The following CARD14 variants were observed in gnomAD, a reference collection of about 807,000 sequenced individuals.
The protein encoded by CARD14 is caspase recruitment domain-containing protein 14.
CARD14 carries 107 observed loss-of-function variants against 111.5 expected under a neutral mutation model. The observed-to-expected ratio is 0.96, with a 90% confidence interval of 0.82 to 1.13. The LOEUF (loss-of-function observed/expected upper bound fraction) is 1.13. CARD14 is among the 50% of genes most tolerant of loss of function. The probability of loss-of-function intolerance (pLI) is 0.00; values close to 1 mark genes in which losing one functional copy is unlikely to be tolerated. For missense variants in CARD14, 1,322 were observed against 1,362.3 expected, an observed-to-expected ratio of 0.97 and a Z score of 0.47; for synonymous variants, 617 against 579.6, an observed-to-expected ratio of 1.06 and a Z score of -0.93.
At chr17:80,177,214 C>G (rs1351360402) in intron 2 of CARD14, among the ~76,000 whole-genome samples, 1 of 152,026 alleles carries the variant, frequency 6.6e-6, no homozygotes, top group East Asian at 1.9e-4. Context: ...GGGCCCTTCT[C>G]CTCCTCTTCT....
Position 80,183,793 on chromosome 17 carries a change from CGCCCACATGCTCACCT to C in CARD14, c.350-97_350-82del, listed in dbSNP as rs1157190387. ...ATGCTCACCCGCCCACATGCTCACC[CGCCCACATGCTCACCT>C]GCCCACATGCTCACCTGCCCACCTG... On this transcript the variant is annotated intron_variant, in intron 6 of 23. Transcript: ENST00000648509. The C allele has an allele frequency of 6.0e-4, 295 of 489,498 alleles. 1 individual carries two copies. The highest frequency in any genetic ancestry group is 5.6e-3 in the African/African-American group (239 of 42,920). 30.3% of individuals were successfully genotyped at this position (489,498 alleles called of 1,614,324 possible).
chr17:80,173,320 ACACACGCGCG>A (rs779130360), intron 2 of CARD14, 92 bp downstream of exon 2: 15 of 134,294 alleles, frequency 1.1e-4, no homozygotes, highest in East Asian at 2.5e-4. Context: ...ACACACACAC[ACACACGCGCG>A]CGCGCGCGCG....
At chr17:80,181,733 C>A in intron 5 of CARD14, 84 bp downstream of exon 5, 1 of 1,251,468 alleles carries the variant, frequency 8.0e-7, no homozygotes, top group Non-Finnish European at 1.1e-6. Flanking sequence ...TTCAGGGGGT[C>A]TCTTCTCGTC....
chr17:80,183,698 G>T (rs568273423), intron 6 of CARD14, among the ~76,000 whole-genome samples: 200 of 152,208 alleles, frequency 1.3e-3, no homozygotes, highest in Non-Finnish European at 2.4e-3. Flanking sequence ...TCATGCCTCG[G>T]CCCACCGGCC....
At chr17:80,200,772 GT>G in intron 16 of CARD14, 1 of 158,698 alleles carries the variant, frequency 6.3e-6, no homozygotes, top group Non-Finnish European at 1.4e-5. Flanking sequence ...CCCTGAGCTT[GT>G]TTTCCTGCAA....
intron 7 of CARD14, among the ~76,000 whole-genome samples, chr17:80,186,572 CAG>C (rs1315940986): frequency 6.6e-6 from 1 of 152,030 alleles, no homozygotes; most frequent in African/African-American, 2.4e-5. Flanking sequence ...TTTTTTGAGA[CAG>C]AGTCTCACTC....
intron 17 of CARD14, 76 bp from the exon 18 acceptor site, chr17:80,202,104 A>T (rs998265723): frequency 7.3e-7 from 1 of 1,369,246 alleles, no homozygotes; most frequent in Non-Finnish European, 1.0e-6. Context: ...CTTCTCTCCT[A>T]CTTTAATTTT....
At position 80,189,453 on chromosome 17, in the gene CARD14, C is replaced by T. The variant is rs1190001624; in HGVS notation, c.844-300C>T. On this transcript the variant is annotated intron_variant, in intron 8 of 23. Transcript: ENST00000648509. This position sits in a 1 kb window ranked among gnomAD's most constrained non-coding sequence, Gnocchi z 4.7. ...GAATGACCTGTCTGCTGGTTTCTCC[C>T]TCGCTGTGAAACTGCCGGTAGATCT... Among the ~76,000 whole-genome samples, 1 of 152,214 alleles carries T rather than the reference C, an allele frequency of 6.6e-6. No individual in the cohort carries two copies. Among genetic ancestry groups the T allele is most frequent in the Admixed American group, 6.5e-5 (1 of 15,284 alleles).
rs1487676786 is a variant in CARD14 at position 80,203,892 on chromosome 17, C to G, written c.2283+7C>G. 3 of 1,591,666 alleles carry G rather than the reference C, an allele frequency of 1.9e-6. No individual in the cohort carries two copies. The South Asian group carries it at 3.4e-5, about 18-fold the overall frequency. ...GTGCACCGTGACCCGCAAGGTGAGG[C>G]TCCAGGGAGGGGCCTGGACCCCACT... On this transcript the variant is annotated splice_region_variant and intron_variant, in intron 19 of 23. Coordinates refer to ENST00000648509, the MANE Select transcript of CARD14 (RefSeq NM_001366385.1). This position sits in a 1 kb window ranked among gnomAD's most constrained non-coding sequence, Gnocchi z 4.6.
chr17:80,207,099 G>T lies in CARD14; in HGVS notation c.2807+14G>T. On this transcript the variant is annotated intron_variant, in intron 23 of 23. Coordinates refer to ENST00000648509, the MANE Select transcript of CARD14 (RefSeq NM_001366385.1). ...AAAGAAGCTCAAGTAGGTGCACGCT[G>T]GGGGCTGGGCAGGGGCTTCGAAGCG... 1 of 1,596,474 alleles carries T rather than the reference G, an allele frequency of 6.3e-7. No homozygotes were observed. The highest frequency in any genetic ancestry group is 8.6e-7 in the Non-Finnish European group (1 of 1,164,718).
Position 80,189,821 on chromosome 17 carries a change from C to T in CARD14, c.912C>T (p.Arg304=), listed in dbSNP as rs1269605234. 1 of 1,585,926 alleles carries T rather than the reference C, an allele frequency of 6.3e-7. No homozygotes were observed. The highest frequency in any genetic ancestry group is 8.5e-7 in the Non-Finnish European group (1 of 1,170,742). The change falls in exon 9 of 24, where the codon CGC becomes CGT. Residue 304 remains arginine (R), a synonymous_variant. Transcript: ENST00000648509. This position sits in a 1 kb window ranked among gnomAD's most constrained non-coding sequence, Gnocchi z 4.7. ...GGAGCCGACAGGAGCTGGTGGAGCG[C>T]ATCCACTCGCTGCGGGAGCGGGCCG... The part of the protein sequence containing the change: ...ARGSRQELVE[R]IHSLRERAVA...
rs763209266 is a variant in CARD14, at chr17:80,198,187, G to A, written c.1658+25G>A. 5.6e-6 allele frequency: 9 copies of A among 1,612,758 alleles called. No homozygotes were observed. The highest frequency in any genetic ancestry group is 2.2e-5 in the East Asian group (1 of 44,880). On this transcript the variant is annotated intron_variant, in intron 15 of 23. Coordinates refer to ENST00000648509, the MANE Select transcript of CARD14 (RefSeq NM_001366385.1). The surrounding 1 kb of genome is among the most constrained non-coding windows in gnomAD (Gnocchi z 7.5). The stretch of plus-strand genomic sequence containing the variant: ...GGTAAGCAGCAGGTGGGAATCCTCC[G>A]AGGCTGGCTGGGGAACCAGGGCCAG...
chr17:80,201,948 C>T lies in CARD14; in HGVS notation c.1978+78C>T, dbSNP rs999998697. 5.5e-5 allele frequency: 82 copies of T among 1,498,996 alleles called. No individual in the cohort carries two copies. Among genetic ancestry groups the T allele is most frequent in the Non-Finnish European group, 7.1e-5 (79 of 1,112,928 alleles). The allele number at this position is 1,498,996 out of a possible 1,614,324, so 92.9% of individuals were successfully genotyped here. On this transcript the variant is annotated intron_variant, in intron 17 of 23. Transcript: ENST00000648509. The surrounding 1 kb of genome is among the most constrained non-coding windows in gnomAD (Gnocchi z 5.0). ...CCTTAAGTCCCTGGTGGTTCTTCTG[C>T]ACGCCCAGCAGCCAGGGACCCCCAG... is the stretch of plus-strand genomic sequence containing the variant.
At chr17:80,179,372 T>C (rs1300528462) in intron 4 of CARD14, 71 bp downstream of exon 4, 1 of 152,194 alleles carries the variant, frequency 6.6e-6, no homozygotes, top group African/African-American at 2.4e-5. Context: ...TGTATCAAGC[T>C]GCATGTATCA....
Position 80,198,823 on chromosome 17 carries a change from C to A in CARD14, c.1851+232C>A. 1.4e-6 allele frequency: 2 copies of A among 1,471,374 alleles called. No individual in the cohort carries two copies. Among genetic ancestry groups the A allele is most frequent in the Non-Finnish European group, 1.8e-6 (2 of 1,116,660 alleles). 91.1% of individuals were successfully genotyped at this position (1,471,374 alleles called of 1,614,324 possible). On this transcript the variant is annotated intron_variant, in intron 16 of 23. Coordinates refer to ENST00000648509, the MANE Select transcript of CARD14 (RefSeq NM_001366385.1). The surrounding 1 kb of genome is among the most constrained non-coding windows in gnomAD (Gnocchi z 7.5). The stretch of plus-strand genomic sequence containing the variant: ...TGCTGCTGCCATGCGGCGCTTCTGA[C>A]CAGGGGTCTTTGCATGAGGCCCCTT...
intron 2 of CARD14, among the ~76,000 whole-genome samples, chr17:80,177,808 G>C (rs1207456763): frequency 2.0e-5 from 3 of 152,050 alleles, no homozygotes; most frequent in Non-Finnish European, 4.4e-5. Context: ...GCCTTTCAAA[G>C]TGTGGGATTA....
In CARD14 at chr17:80,204,375, G is replaced by A. The variant is rs746290677; in HGVS notation, c.2398+34G>A. On this transcript the variant is annotated intron_variant, in intron 20 of 23. Coordinates refer to ENST00000648509, the MANE Select transcript of CARD14 (RefSeq NM_001366385.1). ...TGGTGAGCTGGCACAGGGGCCACTG[G>A]CTCCAAGTGGGTGAGGGGCTTTGGG... The A allele has an allele frequency of 3.3e-6, 5 of 1,510,324 alleles. No homozygotes were observed. The South Asian group carries it at 6.2e-5, about 19-fold the overall frequency. 93.6% of individuals were successfully genotyped at this position (1,510,324 alleles called of 1,614,324 possible).
rs764537252 is a variant in CARD14 at position 80,205,596 on chromosome 17, G to T, written c.2635G>T (p.Val879Leu). 6.4e-7 allele frequency: 1 copy of T among 1,571,430 alleles called. No homozygotes were observed. Among genetic ancestry groups the T allele is most frequent in the Non-Finnish European group, 8.6e-7 (1 of 1,157,728 alleles). The change falls in exon 22 of 24, where the codon GTG (valine) becomes TTG (leucine). Residue 879 changes from valine to leucine, a missense_variant. Coordinates refer to ENST00000648509, the MANE Select transcript of CARD14 (RefSeq NM_001366385.1). ...QRGDIIQEGEVSGGRCWVTRH... is the reference protein window; with the variant it reads ...QRGDIIQEGELSGGRCWVTRH... ...AGGGGACATCATCCAGGAGGGAGAG[G>T]TGTCCGGGGGCCGCTGCTGGGTGAC...
chr17:80,179,761 G>A (rs988718635), intron 4 of CARD14, among the ~76,000 whole-genome samples: 5 of 152,180 alleles, frequency 3.3e-5, no homozygotes, highest in Admixed American at 6.5e-5. Context: ...GGGTCTGGGA[G>A]CTCAAGGCTG....
Sources: gnomAD v4.1 joint callset for allele counts (sites outside exome capture counted in the v4.1 genomes callset) on GRCh38, gnomAD v4.1.1 for gene constraint, Gnocchi (gnomAD v3.1) non-coding constraint, MANE v1.5 for transcripts, NCBI Gene and HGNC (gene_info 2026-07-23, HGNC 2026-07-21) for gene names.